FOXN2: variants seen among roughly 807,000 people sequenced by gnomAD.
FOXN2 encodes forkhead box N2.
A neutral mutation model predicts 41.2 loss-of-function variants in FOXN2; 19 were observed. That is an observed-to-expected ratio of 0.46 (90% CI 0.32 to 0.68). FOXN2 has a LOEUF of 0.68. Among genes scored for constraint, FOXN2 ranks in the 30% least tolerant of loss-of-function variants. The pLI, the probability that FOXN2 is intolerant of heterozygous loss-of-function variation, is 0.03. For missense variants in FOXN2, 587 were observed against 509.4 expected (o/e 1.15, Z -1.47); for synonymous variants, 195 against 176.8 (o/e 1.10, Z -0.82).
At chr2:48,337,094 C>A (rs1670414631) in intron 2 of FOXN2, among the ~76,000 whole-genome samples, 1 of 151,638 alleles carries the variant, frequency 6.6e-6, no homozygotes, top group Non-Finnish European at 1.5e-5. Flanking sequence ...CCCCCACCTC[C>A]CTCCCACTAA....
intron 5 of FOXN2, among the ~76,000 whole-genome samples, chr2:48,368,239 T>G (rs184839144): frequency 1.3e-5 from 2 of 150,114 alleles, no homozygotes; most frequent in African/African-American, 4.9e-5. Flanking sequence ...CTGGATATGT[T>G]AGATAATACA....
chr2:48,369,648 T>A (rs897624128), intron 5 of FOXN2, among the ~76,000 whole-genome samples: 2 of 152,190 alleles, frequency 1.3e-5, no homozygotes, highest in African/African-American at 4.8e-5. Context: ...TATAATGCAT[T>A]TTCTTGTTAG....
chr2:48,379,135 TC>T lies in FOXN2; in HGVS notation c.*3693del, dbSNP rs1673425557. The stretch of plus-strand genomic sequence containing the variant: ...GATGACCAGTCACAAGTGAACCACT[TC>T]TCAGTTGCCAATCTTTGCTCATATT... On this transcript the variant is annotated 3_prime_UTR_variant, in exon 7 of 7. Coordinates refer to ENST00000340553, the MANE Select transcript of FOXN2 (RefSeq NM_002158.4). The T allele has an allele frequency of 6.6e-6, 1 of 152,630 alleles. No individual in the cohort carries two copies. Among genetic ancestry groups the T allele is most frequent in the African/African-American group, 2.4e-5 (1 of 41,458 alleles). 9.5% of individuals were successfully genotyped at this position (152,630 alleles called of 1,614,324 possible).
rs1393869794 is a variant in FOXN2 at position 48,362,767 on chromosome 2, CA to C, written c.703+61del. ...CAACAATCTTTTGGTCAACAACAGG[CA>C]GTGCATAACAATGGTGGTCCCCTAA... On this transcript the variant is annotated intron_variant, in intron 5 of 6. Transcript: ENST00000340553. The C allele has an allele frequency of 3.0e-6, 4 of 1,336,508 alleles. No homozygotes were observed. The African/African-American group carries it at 5.8e-5, about 19-fold the overall frequency. The allele number at this position is 1,336,508 out of a possible 1,614,324, so 82.8% of individuals were successfully genotyped here.
intron 5 of FOXN2, among the ~76,000 whole-genome samples, chr2:48,370,824 T>A (rs1013475756): frequency 2.0e-5 from 3 of 152,204 alleles, no homozygotes; most frequent in African/African-American, 4.8e-5. Flanking sequence ...TTATTTTTGC[T>A]TTTGTTACCT....
At chr2:48,326,276 A>G (rs1669668175) in intron 1 of FOXN2, among the ~76,000 whole-genome samples, 1 of 152,194 alleles carries the variant, frequency 6.6e-6, no homozygotes, top group Non-Finnish European at 1.5e-5. Flanking sequence ...AGGAGAAAGC[A>G]TGGTCTATTC....
At chr2:48,353,552 CTGTGTG>C (rs57528113) in intron 3 of FOXN2, among the ~76,000 whole-genome samples, 30,452 of 128,334 alleles carry the variant, frequency 0.24, 3,579 homozygotes, top group East Asian at 0.44. Context: ...TCACTTAAGA[CTGTGTG>C]TGTGTGTGTG....
intron 2 of FOXN2, among the ~76,000 whole-genome samples, chr2:48,339,995 C>G (rs763596610): frequency 3.4e-4 from 52 of 152,168 alleles, no homozygotes; most frequent in Non-Finnish European, 6.0e-4. Context: ...AAACAAGTCT[C>G]AGAATGTCTT....
intron 2 of FOXN2, 24 bp from the exon 3 acceptor site, chr2:48,346,177 T>A: frequency 6.5e-7 from 1 of 1,534,304 alleles, no homozygotes; most frequent in Middle Eastern, 1.8e-4. Context: ...AGTATTACAT[T>A]GATAATTGTT....
chr2:48,348,047 A>G (rs1372538590), intron 3 of FOXN2, among the ~76,000 whole-genome samples: 1 of 149,620 alleles, frequency 6.7e-6, no homozygotes, highest in Non-Finnish European at 1.5e-5. Flanking sequence ...GTTATTCTTT[A>G]TTTTTATCTT....
intron 5 of FOXN2, 132 bp downstream of exon 5, chr2:48,362,839 G>C (rs1356270842): frequency 1.4e-6 from 1 of 728,422 alleles, no homozygotes; most frequent in Non-Finnish European, 2.3e-6. Flanking sequence ...TGCCCTGGTA[G>C]CTTGTTGTAA....
intron 1 of FOXN2, among the ~76,000 whole-genome samples, chr2:48,324,222 T>C (rs1175220605): frequency 9.3e-6 from 1 of 107,766 alleles, no homozygotes; most frequent in African/African-American, 3.5e-5. Context: ...TGTGACAGAG[T>C]TTCGCTCTGT....
At chr2:48,359,295 GT>G (rs368184158) in intron 4 of FOXN2, 148 bp downstream of exon 4, 2 of 626,886 alleles carry the variant, frequency 3.2e-6, no homozygotes, top group East Asian at 3.1e-5. Flanking sequence ...TTTAGTTTTT[GT>G]TTTTGTTTTG....
rs776831905 is a variant in FOXN2, at chr2:48,375,048, G to A, written c.901G>A (p.Asp301Asn). Residue 301 changes from aspartate (D) to asparagine (N), a missense_variant, in exon 7 of 7, where the codon GAT becomes AAT. Transcript: ENST00000340553. ...AGCCACCAGCATTGATCCAAAAGAA[G>A]ATCACAATTACAGTGCAAGTAGCAT... ...SLATSIDPKE[D>N]HNYSASSMAA... 1 of 1,614,042 alleles carries A rather than the reference G, an allele frequency of 6.2e-7. No homozygotes were observed. Among genetic ancestry groups the A allele is most frequent in the Non-Finnish European group, 8.5e-7 (1 of 1,179,976 alleles).
In FOXN2 at chr2:48,346,043, C is replaced by T. The variant is rs143460713; in HGVS notation, c.-14-158C>T. 3.4e-4 allele frequency among the ~76,000 whole-genome samples: 52 copies of T among 152,276 alleles called. 1 individual carries two copies. Among genetic ancestry groups the T allele is most frequent in the African/African-American group, 1.1e-3 (47 of 41,564 alleles). ...TAAGTTATTTTCCTTGTATTATAAC[C>T]ATTAGTATCTTCATTATACAAATGT... On this transcript the variant is annotated intron_variant, in intron 2 of 6. Coordinates refer to ENST00000340553, the MANE Select transcript of FOXN2 (RefSeq NM_002158.4).
intron 5 of FOXN2, among the ~76,000 whole-genome samples, chr2:48,368,464 A>G (rs1270808417): frequency 2.0e-5 from 3 of 152,278 alleles, no homozygotes; most frequent in African/African-American, 7.2e-5. Context: ...CAGGAGTTCA[A>G]GACCAGCCTG....
intron 1 of FOXN2, among the ~76,000 whole-genome samples, chr2:48,322,542 T>C (rs1669400017): frequency 6.6e-6 from 1 of 152,108 alleles, no homozygotes; most frequent in South Asian, 2.1e-4. Flanking sequence ...CCCCTCCTTT[T>C]TTTCTTTTTC....
At chr2:48,349,347 C>T (rs971101111) in intron 3 of FOXN2, among the ~76,000 whole-genome samples, 17 of 151,942 alleles carry the variant, frequency 1.1e-4, no homozygotes, top group Admixed American at 4.6e-4. Context: ...ATTAGCTGGG[C>T]GTGGTGGTAC....
At chr2:48,314,131 C>A (rs1012547338), upstream of FOXN2, among the ~76,000 whole-genome samples, 1 of 152,246 alleles carries the variant, frequency 6.6e-6, no homozygotes, top group African/African-American at 2.4e-5. Context: ...AAAGCGCTTT[C>A]AAAGCCCAGG....
Sources: allele counts gnomAD v4.1 joint callset (sites outside exome capture counted in the v4.1 genomes callset), GRCh38; gene constraint gnomAD v4.1.1; transcripts MANE v1.5; gene names NCBI Gene and HGNC (gene_info 2026-07-23, HGNC 2026-07-21).